Variants in EXOC4 observed in about 807,000 individuals in gnomAD.
The protein encoded by EXOC4 is exocyst complex component 4.
A neutral mutation model predicts 107.2 loss-of-function variants in EXOC4; 71 were observed. That is an observed-to-expected ratio of 0.66 (90% CI 0.55 to 0.81). EXOC4 has a LOEUF of 0.81. Ranked by LOEUF, EXOC4 falls within the 30% of genes least tolerant of loss-of-function variation. EXOC4 has a pLI of 0.00. For synonymous variants in EXOC4, 456 were observed against 441.2 expected (o/e 1.03, Z -0.42); for missense variants, 1,108 against 1,189.6 (o/e 0.93, Z 1.01).
intron 10 of EXOC4, among the ~76,000 whole-genome samples, chr7:133,653,625 G>A (rs1803216104): frequency 6.6e-6 from 1 of 152,136 alleles, no homozygotes; most frequent in African/African-American, 2.4e-5. Flanking sequence ...CCAAAGCTCA[G>A]CAAATACCTT....
At chr7:133,443,218 A>G (rs192589727) in intron 7 of EXOC4, among the ~76,000 whole-genome samples, 4 of 152,320 alleles carry the variant, frequency 2.6e-5, no homozygotes, top group East Asian at 3.9e-4. Context: ...TAGACCTCAC[A>G]TGGGTAATAG....
chr7:133,871,803 A>G (rs529610108), intron 11 of EXOC4, among the ~76,000 whole-genome samples: 3 of 152,304 alleles, frequency 2.0e-5, no homozygotes, highest in African/African-American at 7.2e-5. Context: ...TTTGTGCCTC[A>G]GTTTTATTAT....
chr7:133,659,030 G>A (rs958463572), intron 10 of EXOC4, among the ~76,000 whole-genome samples: 2 of 19,040 alleles, frequency 1.1e-4, no homozygotes, highest in Non-Finnish European at 2.2e-4. Flanking sequence ...TTTTTTTTTT[G>A]TGGTTCATAT....
chr7:133,969,895 A>C (rs924604086), intron 14 of EXOC4, among the ~76,000 whole-genome samples: 1 of 152,206 alleles, frequency 6.6e-6, no homozygotes, highest in Non-Finnish European at 1.5e-5. Flanking sequence ...CTCTCTTCAG[A>C]GCTGGCAGGC....
chr7:133,448,189 C>G (rs1798260859), intron 7 of EXOC4, among the ~76,000 whole-genome samples: 1 of 152,162 alleles, frequency 6.6e-6, no homozygotes, highest in Non-Finnish European at 1.5e-5. Context: ...TGGAGTGTGC[C>G]CCACTGCACT....
intron 10 of EXOC4, among the ~76,000 whole-genome samples, chr7:133,714,924 G>A (rs537799021): frequency 1.4e-4 from 21 of 152,178 alleles, no homozygotes; most frequent in African/African-American, 4.3e-4. Context: ...TCTGGGCTTC[G>A]TTTTTCTCTG....
intron 15 of EXOC4, among the ~76,000 whole-genome samples, chr7:133,999,037 GA>G (rs892252164): frequency 6.6e-6 from 1 of 152,144 alleles, no homozygotes; most frequent in African/African-American, 2.4e-5. Flanking sequence ...TGAGGGAGGA[GA>G]AGGGTGGAAA....
intron 6 of EXOC4, among the ~76,000 whole-genome samples, chr7:133,360,246 T>G (rs1362893740): frequency 2.6e-5 from 4 of 152,230 alleles, no homozygotes; most frequent in Non-Finnish European, 5.9e-5. Flanking sequence ...GAAGGAGTTC[T>G]GTACTTAACA....
intron 17 of EXOC4, among the ~76,000 whole-genome samples, chr7:134,047,758 T>C (rs1327143177): frequency 1.3e-5 from 2 of 152,244 alleles, no homozygotes; most frequent in Non-Finnish European, 2.9e-5. Context: ...CTTTCTTGTA[T>C]GTTTGTCAAG....
At chr7:133,810,940 T>C (rs17167292) in intron 10 of EXOC4, among the ~76,000 whole-genome samples, 15,344 of 152,248 alleles carry the variant, frequency 0.1, 891 homozygotes, top group Middle Eastern at 0.14. Context: ...GCCAGATCCA[T>C]GCTTTAAACA....
intron 9 of EXOC4, among the ~76,000 whole-genome samples, chr7:133,514,339 T>G (rs187187459): frequency 6.6e-6 from 1 of 152,248 alleles, no homozygotes; most frequent in East Asian, 1.9e-4. Flanking sequence ...TAATTTTATA[T>G]TTTTAGTAGA....
intron 7 of EXOC4, among the ~76,000 whole-genome samples, chr7:133,408,648 A>C (rs1797283464): frequency 1.3e-5 from 2 of 152,042 alleles, no homozygotes; most frequent in Admixed American, 6.6e-5. Flanking sequence ...GGGATGATCT[A>C]ATTTCACCTA....
intron 10 of EXOC4, among the ~76,000 whole-genome samples, chr7:133,730,350 C>G (rs1795300748): frequency 6.6e-6 from 1 of 151,664 alleles, no homozygotes; most frequent in Non-Finnish European, 1.5e-5. Context: ...TTAGAGGTAA[C>G]AGGATCCTCA....
chr7:133,726,825 A>T (rs1795225092), intron 10 of EXOC4, among the ~76,000 whole-genome samples: 1 of 152,182 alleles, frequency 6.6e-6, no homozygotes, highest in Non-Finnish European at 1.5e-5. Context: ...TGTTTTGCAC[A>T]TGATATTCTA....
At chr7:134,015,725 A>C (rs1377638199) in intron 17 of EXOC4, among the ~76,000 whole-genome samples, 19 of 152,026 alleles carry the variant, frequency 1.2e-4, no homozygotes, top group Non-Finnish European at 2.9e-5. Context: ...AATACAAAAA[A>C]TTAGCCAGGT....
chr7:134,025,549 T>C (rs962265502), intron 17 of EXOC4, among the ~76,000 whole-genome samples: 2 of 152,210 alleles, frequency 1.3e-5, no homozygotes, highest in African/African-American at 4.8e-5. Context: ...GTGGCTGCAG[T>C]GGGATGGCAG....
At chr7:133,654,661 C>G (rs781075302) in intron 10 of EXOC4, among the ~76,000 whole-genome samples, 2 of 152,002 alleles carry the variant, frequency 1.3e-5, no homozygotes, top group Non-Finnish European at 2.9e-5. Context: ...CTTTCTTTTC[C>G]CTATTGCTCA....
Position 133,787,968 on chromosome 7 carries a change from TATA to T in EXOC4, c.1515-29356_1515-29354del, listed in dbSNP as rs1796619609. 1.4e-4 allele frequency among the ~76,000 whole-genome samples: 3 copies of T among 21,330 alleles called. 1 individual carries two copies. The highest frequency in any genetic ancestry group is 9.6e-5 in the Non-Finnish European group (1 of 10,416). 14.0% of individuals were successfully genotyped at this position (21,330 alleles called of 152,430 possible). A position where few individuals can be genotyped will look rare whatever the true frequency, so the allele number is the denominator to read the frequency against. Reference sequence around the variant, plus strand: ...CTGTGCATATATTTATATATTTATATATATATATATATATATATATATATATAT... The same window carrying T: ...CTGTGCATATATTTATATATTTATATTATATATATATATATATATATATAT... On this transcript the variant is annotated intron_variant, in intron 10 of 17. Transcript: ENST00000253861.
At chr7:134,049,128 A>G (rs570615736) in intron 17 of EXOC4, among the ~76,000 whole-genome samples, 85 of 152,342 alleles carry the variant, frequency 5.6e-4, no homozygotes, top group African/African-American at 2.0e-3. Context: ...ATAAATAATG[A>G]CTAAAAGTTT....
Sources: allele counts gnomAD v4.1 joint callset (sites outside exome capture counted in the v4.1 genomes callset), GRCh38; gene constraint gnomAD v4.1.1; transcripts MANE v1.5; gene names NCBI Gene and HGNC (gene_info 2026-07-23, HGNC 2026-07-21).